The following NKAIN2 variants were observed in gnomAD, a reference collection of about 807,000 sequenced individuals.
NKAIN2 encodes sodium/potassium transporting ATPase interacting 2, also known as sodium/potassium-transporting ATPase subunit beta-1-interacting protein 2.
NKAIN2 carries 14 observed loss-of-function variants against 32.6 expected under a neutral mutation model. The observed-to-expected ratio is 0.43, with a 90% confidence interval of 0.28 to 0.67. The LOEUF (loss-of-function observed/expected upper bound fraction) is 0.67, where lower values mean the gene tolerates loss of function less well. NKAIN2 is among the 30% of genes least tolerant of loss of function. The pLI, the probability that NKAIN2 is intolerant of heterozygous loss-of-function variation, is 0.17. For missense variants in NKAIN2, 198 were observed against 258.3 expected (o/e 0.77, Z 1.60); for synonymous variants, 80 against 87.2 (o/e 0.92, Z 0.46).
intron 1 of NKAIN2, among the ~76,000 whole-genome samples, chr6:124,011,862 ATAGT>A (rs1780347106): frequency 6.6e-6 from 1 of 152,164 alleles, no homozygotes; most frequent in East Asian, 1.9e-4. Flanking sequence ...GCTTCAGGGG[ATAGT>A]CCTCCATGTT....
At chr6:124,585,389 A>G (rs1414530327) in intron 3 of NKAIN2, among the ~76,000 whole-genome samples, 1 of 152,232 alleles carries the variant, frequency 6.6e-6, no homozygotes, top group African/African-American at 2.4e-5. Context: ...AATAAGATCT[A>G]GTGTTTGACA....
chr6:123,908,196 G>GA (rs1443403718), intron 1 of NKAIN2, among the ~76,000 whole-genome samples: 1 of 152,042 alleles, frequency 6.6e-6, no homozygotes, highest in African/African-American at 2.4e-5. Flanking sequence ...TATCTTGCAA[G>GA]AGATCTCTTG....
At chr6:124,470,096 G>A (rs539809276) in intron 3 of NKAIN2, among the ~76,000 whole-genome samples, 1 of 152,252 alleles carries the variant, frequency 6.6e-6, no homozygotes, top group Non-Finnish European at 1.5e-5. Context: ...GGCAGGTCAT[G>A]AGTGAGGGTG....
At chr6:124,117,902 G>GA (rs201260771) in intron 1 of NKAIN2, among the ~76,000 whole-genome samples, 23,874 of 129,562 alleles carry the variant, frequency 0.18, 2,329 homozygotes, top group Middle Eastern at 0.29. Flanking sequence ...AGTTAAAGCA[G>GA]AAAAAAAAAA....
chr6:124,020,747 C>T (rs1303000847), intron 1 of NKAIN2, among the ~76,000 whole-genome samples: 1 of 151,904 alleles, frequency 6.6e-6, no homozygotes, highest in African/African-American at 2.4e-5. Context: ...ACTGAGGCAC[C>T]GAATTTAGGT....
intron 4 of NKAIN2, among the ~76,000 whole-genome samples, chr6:124,731,847 A>G (rs1388235707): frequency 1.3e-5 from 2 of 152,114 alleles, no homozygotes; most frequent in Non-Finnish European, 2.9e-5. Flanking sequence ...ATAACAATCT[A>G]AATATTAATA....
intron 1 of NKAIN2, among the ~76,000 whole-genome samples, chr6:124,279,948 A>T (rs1459974621): frequency 2.6e-5 from 4 of 152,214 alleles, no homozygotes; most frequent in African/African-American, 4.8e-5. Context: ...TCTTTGTGGT[A>T]GCAAAGAATT....
intron 3 of NKAIN2, among the ~76,000 whole-genome samples, chr6:124,595,547 C>T (rs1264395703): frequency 6.6e-6 from 1 of 152,162 alleles, no homozygotes; most frequent in Non-Finnish European, 1.5e-5. Flanking sequence ...GATTACCAAA[C>T]CTGATTTGGT....
intron 1 of NKAIN2, among the ~76,000 whole-genome samples, chr6:124,165,086 C>G (rs1047207362): frequency 1.2e-4 from 18 of 151,964 alleles, no homozygotes; most frequent in Admixed American, 1.1e-3. Flanking sequence ...TTCTTTAAGG[C>G]CCAAAATTTC....
At chr6:123,824,603 A>G (rs1190788793) in intron 1 of NKAIN2, among the ~76,000 whole-genome samples, 2 of 152,050 alleles carry the variant, frequency 1.3e-5, no homozygotes, top group African/African-American at 4.8e-5. Context: ...GCATTAGGAC[A>G]AATACCTAAT....
intron 1 of NKAIN2, among the ~76,000 whole-genome samples, chr6:123,809,980 T>A (rs1773388346): frequency 1.3e-5 from 2 of 152,188 alleles, no homozygotes; most frequent in South Asian, 2.1e-4. Context: ...CATACATTTT[T>A]AAATAATTTG....
At chr6:124,454,001 T>C (rs1024732589) in intron 3 of NKAIN2, among the ~76,000 whole-genome samples, 1 of 151,726 alleles carries the variant, frequency 6.6e-6, no homozygotes, top group African/African-American at 2.4e-5. Flanking sequence ...TCAGTAAATA[T>C]GTTATTCAGT....
intron 1 of NKAIN2, among the ~76,000 whole-genome samples, chr6:124,065,771 T>A (rs944354849): frequency 1.3e-5 from 2 of 152,202 alleles, no homozygotes; most frequent in African/African-American, 2.4e-5. Context: ...TATTTCTCTG[T>A]TTCACTGGGA....
At chr6:124,095,762 T>C (rs551859829) in intron 1 of NKAIN2, among the ~76,000 whole-genome samples, 45 of 152,320 alleles carry the variant, frequency 3.0e-4, no homozygotes, top group African/African-American at 1.0e-3. Context: ...TATAATATAA[T>C]ACGAAGTGAT....
At chr6:124,583,683 A>G (rs866128134) in intron 3 of NKAIN2, among the ~76,000 whole-genome samples, 2 of 152,164 alleles carry the variant, frequency 1.3e-5, no homozygotes, top group Admixed American at 1.3e-4. Context: ...AGAACAGCCA[A>G]AGCTATCCTG....
intron 1 of NKAIN2, among the ~76,000 whole-genome samples, chr6:124,217,726 C>T (rs914208962): frequency 1.3e-5 from 2 of 151,956 alleles, no homozygotes; most frequent in Non-Finnish European, 2.9e-5. Flanking sequence ...TCACATATTA[C>T]AAAGCAGTGT....
intron 4 of NKAIN2, among the ~76,000 whole-genome samples, chr6:124,707,807 T>A (rs1475377683): frequency 6.6e-6 from 1 of 152,122 alleles, no homozygotes; most frequent in Non-Finnish European, 1.5e-5. Flanking sequence ...TTCACTCTGA[T>A]GGTAGTTTCT....
At chr6:124,437,835 G>A (rs1381051862) in intron 3 of NKAIN2, 6 of 394,914 alleles carry the variant, frequency 1.5e-5, no homozygotes, top group African/African-American at 4.4e-5. Flanking sequence ...CATGGGATAC[G>A]GTAGCTGAAT....
chr6:124,326,763 A>C (rs1403520104), intron 2 of NKAIN2, among the ~76,000 whole-genome samples: 2 of 152,168 alleles, frequency 1.3e-5, no homozygotes, highest in Non-Finnish European at 2.9e-5. Flanking sequence ...TTTTCTGGTA[A>C]ACAATAATTG....
Sources: allele counts gnomAD v4.1 joint callset (sites outside exome capture counted in the v4.1 genomes callset), GRCh38; gene constraint gnomAD v4.1.1; transcripts MANE v1.5; gene names NCBI Gene and HGNC (gene_info 2026-07-23, HGNC 2026-07-21).